The following SCRG1 variants were observed in gnomAD, a reference collection of about 807,000 sequenced individuals.
SCRG1 encodes the protein stimulator of chondrogenesis 1.
SCRG1 carries 3 observed loss-of-function variants against 7.7 expected under a neutral mutation model. The ratio of observed to expected loss-of-function variants is 0.39; its 90% CI spans 0.18 to 1.01. The LOEUF (loss-of-function observed/expected upper bound fraction) is 1.01. Ranked by LOEUF, SCRG1 falls within the 50% of genes least tolerant of loss-of-function variation. The probability of loss-of-function intolerance (pLI) is 0.36; values close to 1 mark genes in which losing one functional copy is unlikely to be tolerated. For missense variants in SCRG1, 110 were observed against 117.2 expected (o/e 0.94, Z 0.28); for synonymous variants, 46 against 41.2 (o/e 1.12, Z -0.44).
the SCRG1 span, among the ~76,000 whole-genome samples, chr4:173,490,020 C>T: frequency 6.6e-6 from 1 of 152,124 alleles, no homozygotes; most frequent in East Asian, 1.9e-4. Flanking sequence ...GTTCATAAAG[C>T]AGGTGATTAT....
the SCRG1 span, among the ~76,000 whole-genome samples, chr4:173,465,409 A>T: frequency 6.6e-6 from 1 of 152,176 alleles, no homozygotes. Flanking sequence ...CTGATAAATA[A>T]ATTGTAGTAT....
chr4:173,487,680 C>T, the SCRG1 span, among the ~76,000 whole-genome samples: 11 of 151,856 alleles, frequency 7.2e-5, no homozygotes, highest in Non-Finnish European at 1.5e-4. Flanking sequence ...TTTTAAAATT[C>T]CCTCTCAGCA....
chr4:173,500,371 T>G, the SCRG1 span, among the ~76,000 whole-genome samples: 1 of 152,188 alleles, frequency 6.6e-6, no homozygotes, highest in East Asian at 1.9e-4. Context: ...CCACCCCTGT[T>G]CGCCGGGGAG....
At chr4:173,427,881 A>G in the SCRG1 span, among the ~76,000 whole-genome samples, 2 of 152,246 alleles carry the variant, frequency 1.3e-5, no homozygotes, top group South Asian at 4.1e-4. Context: ...GAATATAAGA[A>G]CTACTTAATA....
the SCRG1 span, among the ~76,000 whole-genome samples, chr4:173,480,526 G>C: frequency 6.6e-6 from 1 of 152,074 alleles, no homozygotes; most frequent in South Asian, 2.1e-4. Context: ...CATATACTGA[G>C]TTGATCATTA....
chr4:173,478,165 C>G, the SCRG1 span, among the ~76,000 whole-genome samples: 3 of 152,120 alleles, frequency 2.0e-5, no homozygotes, highest in Non-Finnish European at 2.9e-5. Flanking sequence ...CTTAATATAG[C>G]TTTAACCTGC....
the SCRG1 span, among the ~76,000 whole-genome samples, chr4:173,450,185 T>C: frequency 1.4e-4 from 22 of 152,116 alleles, no homozygotes; most frequent in African/African-American, 4.8e-4. Flanking sequence ...ACAGGGGAAA[T>C]TGCCACTTAT....
the SCRG1 span, among the ~76,000 whole-genome samples, chr4:173,481,577 C>T: frequency 1.3e-3 from 204 of 152,144 alleles, 4 homozygotes; most frequent in African/African-American, 4.7e-3. Flanking sequence ...CTCCTGCCTC[C>T]CCCTCCACAT....
chr4:173,513,525 GGCAACCATTTC>G, the SCRG1 span, among the ~76,000 whole-genome samples: 11 of 152,232 alleles, frequency 7.2e-5, no homozygotes, highest in African/African-American at 2.4e-4. Flanking sequence ...TGCTCTGAGA[GGCAACCATTTC>G]TAGGGAAAGG....
the SCRG1 span, among the ~76,000 whole-genome samples, chr4:173,444,953 G>C: frequency 6.6e-6 from 1 of 152,018 alleles, no homozygotes; most frequent in Admixed American, 6.5e-5. Context: ...CCAAGAAAGC[G>C]TAATAATTGA....
the SCRG1 span, among the ~76,000 whole-genome samples, chr4:173,443,487 G>A: frequency 6.6e-6 from 1 of 152,154 alleles, no homozygotes; most frequent in Non-Finnish European, 1.5e-5. Flanking sequence ...ACACAAGGAA[G>A]CTAAGTCAAA....
intron 1 of SCRG1, among the ~76,000 whole-genome samples, chr4:173,394,541 G>T (rs371234101): frequency 6.6e-6 from 1 of 152,106 alleles, no homozygotes; most frequent in East Asian, 1.9e-4. Context: ...CTACTTGGGA[G>T]GATGAGGCAG....
chr4:173,488,682 A>G, the SCRG1 span, among the ~76,000 whole-genome samples: 3 of 152,194 alleles, frequency 2.0e-5, no homozygotes, highest in Admixed American at 1.3e-4. Context: ...GGGATGAAAT[A>G]CATTTTGTCA....
At chr4:173,484,443 T>TATATATTATATATTATATAC in the SCRG1 span, among the ~76,000 whole-genome samples, 1 of 23,462 alleles carries the variant, frequency 4.3e-5, no homozygotes, top group African/African-American at 1.2e-4. Context: ...ATACATATGA[T>TATATATTATATATTATATAC]ATATAATATA....
At chr4:173,474,900 G>T in the SCRG1 span, among the ~76,000 whole-genome samples, 1 of 150,172 alleles carries the variant, frequency 6.7e-6, no homozygotes, top group Non-Finnish European at 1.5e-5. Flanking sequence ...AAAAATCCTT[G>T]TGTGGTGAGT....
the SCRG1 span, among the ~76,000 whole-genome samples, chr4:173,508,820 C>T: frequency 2.6e-5 from 4 of 152,132 alleles, no homozygotes; most frequent in South Asian, 8.3e-4. The surrounding 1 kb of genome is among the most constrained non-coding windows in gnomAD (Gnocchi z 4.4). Flanking sequence ...GAGAAGCACT[C>T]GGGGCCCGGG....
At chr4:173,472,099 A>C in the SCRG1 span, among the ~76,000 whole-genome samples, 1 of 152,240 alleles carries the variant, frequency 6.6e-6, no homozygotes, top group African/African-American at 2.4e-5. Context: ...ATTGAGGCAC[A>C]AATCTTTTAG....
the SCRG1 span, among the ~76,000 whole-genome samples, chr4:173,461,157 A>G: frequency 6.6e-6 from 1 of 152,248 alleles, no homozygotes; most frequent in Non-Finnish European, 1.5e-5. Flanking sequence ...GCTGCCCTGA[A>G]GGGAAGAACA....
chr4:173,448,260 G>C, the SCRG1 span, among the ~76,000 whole-genome samples: 1 of 152,218 alleles, frequency 6.6e-6, no homozygotes, highest in Non-Finnish European at 1.5e-5. Context: ...ACTGGAGTTG[G>C]AATGAGGCAT....
Sources: gnomAD v4.1 joint callset for allele counts (sites outside exome capture counted in the v4.1 genomes callset) on GRCh38, gnomAD v4.1.1 for gene constraint, Gnocchi (gnomAD v3.1) non-coding constraint, MANE v1.5 for transcripts, NCBI Gene and HGNC (gene_info 2026-07-23, HGNC 2026-07-21) for gene names.